Variants in KCNIP1 observed in about 807,000 individuals in gnomAD.
KCNIP1 encodes potassium voltage-gated channel interacting protein 1, also known as A-type potassium channel modulatory protein KCNIP1.
KCNIP1 carries 18 observed loss-of-function variants against 33.0 expected under a neutral mutation model. That is an observed-to-expected ratio of 0.55 (90% confidence interval 0.38 to 0.81). The LOEUF is 0.81. Ranked by LOEUF, KCNIP1 falls within the 30% of genes least tolerant of loss-of-function variation. The pLI is 0.00. For missense variants in KCNIP1, 238 were observed against 271.6 expected (o/e 0.88, Z 0.87); for synonymous variants, 93 against 98.3 (o/e 0.95, Z 0.32).
chr5:170,720,626 G>A (rs952590395), intron 3 of KCNIP1, among the ~76,000 whole-genome samples: 5 of 152,184 alleles, frequency 3.3e-5, no homozygotes, highest in East Asian at 3.9e-4. Flanking sequence ...ACATCACAAC[G>A]TCTCAGAACA....
intron 1 of KCNIP1, among the ~76,000 whole-genome samples, chr5:170,399,005 T>C (rs1170570057): frequency 2.0e-5 from 3 of 152,102 alleles, no homozygotes; most frequent in Non-Finnish European, 2.9e-5. Flanking sequence ...GGAAACTACT[T>C]TGTTACAGAG....
At chr5:170,434,044 A>C (rs1213476279) in intron 1 of KCNIP1, among the ~76,000 whole-genome samples, 1 of 152,160 alleles carries the variant, frequency 6.6e-6, no homozygotes, top group Non-Finnish European at 1.5e-5. Context: ...ATTTGTGCCC[A>C]CTTTTCTCAT....
intron 1 of KCNIP1, among the ~76,000 whole-genome samples, chr5:170,687,605 G>T (rs942504317): frequency 3.3e-5 from 5 of 152,142 alleles, no homozygotes; most frequent in Admixed American, 2.6e-4. Context: ...AGGTGATCTT[G>T]TCTCCTTCAG....
intron 1 of KCNIP1, among the ~76,000 whole-genome samples, chr5:170,465,432 G>GT (rs1756587925): frequency 6.6e-6 from 1 of 152,166 alleles, no homozygotes; most frequent in African/African-American, 2.4e-5. Context: ...TCAAAGAAAT[G>GT]TCTTCATCCA....
At chr5:170,596,245 T>C (rs973191360) in intron 1 of KCNIP1, among the ~76,000 whole-genome samples, 4 of 152,238 alleles carry the variant, frequency 2.6e-5, no homozygotes, top group African/African-American at 7.2e-5. Context: ...CACCTGTCCA[T>C]TGGTAAGTCA....
intron 1 of KCNIP1, among the ~76,000 whole-genome samples, chr5:170,512,338 G>GA (rs1417981015): frequency 3.9e-5 from 6 of 152,140 alleles, no homozygotes; most frequent in Non-Finnish European, 5.9e-5. Context: ...TCACTGCTAA[G>GA]AAAAAAACAC....
At chr5:170,600,157 T>C (rs984996487) in intron 1 of KCNIP1, among the ~76,000 whole-genome samples, 6 of 152,190 alleles carry the variant, frequency 3.9e-5, no homozygotes, top group Non-Finnish European at 5.9e-5. Context: ...TAGTTAGTAG[T>C]AGAGCTGGGA....
chr5:170,674,181 A>AGGGAGGGAGGGAGGGAGGG (rs1762038897), intron 1 of KCNIP1, among the ~76,000 whole-genome samples: 1 of 38,508 alleles, frequency 2.6e-5, no homozygotes, highest in East Asian at 1.3e-3. Context: ...GGAAGGAAGG[A>AGGGAGGGAGGGAGGGAGGG]AGGGAGGGAG....
chr5:170,721,947 A>G (rs755699795), intron 4 of KCNIP1, 44 bp downstream of exon 4: 9 of 1,607,786 alleles, frequency 5.6e-6, no homozygotes, highest in South Asian at 2.2e-5. Flanking sequence ...CTGGTTCTGC[A>G]TCACCTCCCC....
intron 1 of KCNIP1, among the ~76,000 whole-genome samples, chr5:170,573,298 C>T (rs1757484502): frequency 6.6e-6 from 1 of 152,176 alleles, no homozygotes; most frequent in South Asian, 2.1e-4. Flanking sequence ...CTGGGGAAAT[C>T]TGCCCTCTGA....
At chr5:170,668,612 G>C (rs1258550953) in intron 1 of KCNIP1, among the ~76,000 whole-genome samples, 1 of 152,244 alleles carries the variant, frequency 6.6e-6, no homozygotes, top group East Asian at 1.9e-4. Flanking sequence ...CGGCATGCTT[G>C]GCTCAGGTTC....
chr5:170,733,978 G>A, intron 7 of KCNIP1, 80 bp downstream of exon 7: 1 of 1,196,350 alleles, frequency 8.4e-7, no homozygotes, highest in Non-Finnish European at 1.2e-6. Context: ...GAAGGAAGGT[G>A]ATGAGAAACC....
chr5:170,441,484 C>CTA (rs1755988270), intron 1 of KCNIP1, among the ~76,000 whole-genome samples: 1 of 152,100 alleles, frequency 6.6e-6, no homozygotes, highest in African/African-American at 2.4e-5. Context: ...TCTTTGTGCA[C>CTA]TTTGTACCTC....
intron 1 of KCNIP1, among the ~76,000 whole-genome samples, chr5:170,674,773 C>T (rs998920181): frequency 3.9e-5 from 6 of 152,168 alleles, no homozygotes; most frequent in African/African-American, 1.4e-4. Flanking sequence ...AACCAGGAAG[C>T]TTCTCTCCAG....
At chr5:170,702,101 T>C (rs58685087) in intron 1 of KCNIP1, among the ~76,000 whole-genome samples, 24,457 of 152,192 alleles carry the variant, frequency 0.16, 2,376 homozygotes, top group African/African-American at 0.27. Context: ...GACCCATGTC[T>C]CTCCAGTCCC....
In KCNIP1 at chr5:170,681,349, T is replaced by A. The variant is rs111381525; in HGVS notation, c.62-37409T>A. The A allele has an allele frequency of 2.2e-4, 84 of 379,182 alleles. No individual in the cohort carries two copies. In the South Asian group the frequency reaches 0.011, roughly 50 times the overall value. The allele number at this position is 379,182 out of a possible 1,614,324, so 23.5% of individuals were successfully genotyped here. A position where few individuals can be genotyped will look rare whatever the true frequency, so the allele number is the denominator to read the frequency against. ...CCCCGCCTCCCCAGTCGCGCCCCAG[T>A]GCTGCGCTGTCCGTCGTGCTGAAAT... On this transcript the variant is annotated intron_variant, in intron 1 of 7. Transcript: ENST00000328939.
At chr5:170,451,723 T>TGTGTGTGTGTGTGTGTGTGTGTG (rs1756255311) in intron 1 of KCNIP1, among the ~76,000 whole-genome samples, 22 of 122,974 alleles carry the variant, frequency 1.8e-4, no homozygotes, top group Middle Eastern at 4.2e-3. Flanking sequence ...TTCTCCTGCA[T>TGTGTGTGTGTGTGTGTGTGTGTG]TGTGTGTGTG....
chr5:170,581,964 C>T (rs1308556150), intron 1 of KCNIP1, among the ~76,000 whole-genome samples: 2 of 152,130 alleles, frequency 1.3e-5, no homozygotes, highest in Non-Finnish European at 2.9e-5. Context: ...GGGGAGATGC[C>T]AGGCTCTTTT....
Position 170,604,797 on chromosome 5 carries a change from C to T in KCNIP1, c.61+100164C>T, listed in dbSNP as rs572288286. ...TGCCCCACCAGAAGACTGGGAACTGCACCCAAGACAGGTTCAGCCCCCCCA... is the reference window on the plus strand; with the variant it reads ...TGCCCCACCAGAAGACTGGGAACTGTACCCAAGACAGGTTCAGCCCCCCCA... On this transcript the variant is annotated intron_variant, in intron 1 of 7. Coordinates refer to ENST00000328939, the MANE Select transcript of KCNIP1 (RefSeq NM_014592.4). Among the ~76,000 whole-genome samples, 5 of 152,336 alleles carry T rather than the reference C, an allele frequency of 3.3e-5. No individual in the cohort carries two copies. In the South Asian group the frequency reaches 1.0e-3, roughly 32 times the overall value.
Sources: allele counts gnomAD v4.1 joint callset (sites outside exome capture counted in the v4.1 genomes callset), GRCh38; gene constraint gnomAD v4.1.1; transcripts MANE v1.5; gene names NCBI Gene and HGNC (gene_info 2026-07-23, HGNC 2026-07-21).